Variants in RPL24 observed in about 807,000 individuals in gnomAD.
RPL24 encodes large ribosomal subunit protein eL24.
In RPL24, 7 loss-of-function variants were observed where a neutral mutation model predicts 26.4. The ratio of observed to expected loss-of-function variants is 0.27; its 90% CI spans 0.15 to 0.50. The LOEUF (loss-of-function observed/expected upper bound fraction) is 0.50. RPL24 is among the 20% of genes least tolerant of loss of function. The pLI is 0.98. For synonymous variants in RPL24, 67 were observed against 65.2 expected (o/e 1.03, Z -0.13); for missense variants, 109 against 194.9 (o/e 0.56, Z 2.62).
At chr3:101,682,976 G>T in intron 3 of RPL24, 69 bp from the exon 4 acceptor site, 2 of 1,444,120 alleles carry the variant, frequency 1.4e-6, no homozygotes, top group Non-Finnish European at 1.9e-6. Flanking sequence ...GAAAAATTAA[G>T]TCTTTTAAGA....
chr3:101,684,940 G>A (rs1488629216), intron 3 of RPL24, among the ~76,000 whole-genome samples: 1 of 151,374 alleles, frequency 6.6e-6, no homozygotes, highest in Non-Finnish European at 1.5e-5. Context: ...GGCCTCCGGA[G>A]GAGCTAGAGT....
intron 5 of RPL24, 51 bp from the exon 6 acceptor site, chr3:101,681,266 A>T (rs748112280): frequency 8.2e-7 from 1 of 1,220,336 alleles, no homozygotes; most frequent in Non-Finnish European, 1.2e-6. Context: ...TTACCCTATT[A>T]TTACCCATCT....
At position 101,684,843 on chromosome 3, in the gene RPL24, G is replaced by T. The variant is rs889055517; in HGVS notation, c.192+975C>A. On this transcript the variant is annotated intron_variant, in intron 3 of 5. Coordinates refer to ENST00000394077, the MANE Select transcript of RPL24 (RefSeq NM_000986.4). ...TAGTGGCCTTATGTACATTCATAGC[G>T]CTGTGTAGCTATCACCATTATCCAT... is the stretch of plus-strand genomic sequence containing the variant. 2.2e-5 allele frequency among the ~76,000 whole-genome samples: 3 copies of T among 133,720 alleles called. No homozygotes were observed. In the Admixed American group the frequency reaches 2.4e-4, roughly 11 times the overall value. The allele number at this position is 133,720 out of a possible 152,430, so 87.7% of individuals were successfully genotyped here.
chr3:101,686,408 C>T, intron 2 of RPL24, 74 bp downstream of exon 2: 2 of 1,355,354 alleles, frequency 1.5e-6, no homozygotes, highest in African/African-American at 1.4e-5. Flanking sequence ...GGAATAAACC[C>T]GCCTAAACCG....
intron 5 of RPL24, chr3:101,682,222 C>T (rs1013040193): frequency 1.5e-5 from 8 of 531,440 alleles, no homozygotes; most frequent in African/African-American, 1.4e-4. Context: ...AAAAATCAGC[C>T]GGGCGTGATG....
intron 3 of RPL24, among the ~76,000 whole-genome samples, chr3:101,684,602 A>G (rs1937307304): frequency 6.6e-6 from 1 of 151,944 alleles, no homozygotes; most frequent in East Asian, 1.9e-4. Context: ...AACATCGCAA[A>G]GATTTCTGTC....
chr3:101,684,853 TA>T (rs1937315268), intron 3 of RPL24, among the ~76,000 whole-genome samples: 1 of 138,686 alleles, frequency 7.2e-6, no homozygotes. Context: ...GCTGTGTAGC[TA>T]TCACCATTAT....
chr3:101,682,178 C>G (rs1048189147), intron 5 of RPL24: 4 of 426,186 alleles, frequency 9.4e-6, no homozygotes, highest in Non-Finnish European at 1.7e-5. Flanking sequence ...ATGGTGAAAC[C>G]CTGTCTCTAC....
intron 3 of RPL24, 112 bp downstream of exon 3, chr3:101,685,705 TA>T (rs1367932687): frequency 3.4e-6 from 2 of 582,102 alleles, no homozygotes; most frequent in African/African-American, 3.7e-5. Flanking sequence ...CTTTACAGTT[TA>T]AGAGCTCTTT....
intron 3 of RPL24, 108 bp from the exon 4 acceptor site, chr3:101,683,015 T>C: frequency 6.3e-6 from 6 of 950,856 alleles, no homozygotes; most frequent in Non-Finnish European, 9.2e-6. Flanking sequence ...TTAAGATTCA[T>C]ATTCAACAAA....
chr3:101,682,878 T>C lies in RPL24; in HGVS notation c.222A>G (p.Arg74=). Reference sequence around the variant, plus strand: ...TAATGGCCCTCTGGAATTTGACTGCTCGGCGGGTTCTTTTCTTTTGAATTT... The same window carrying C: ...TAATGGCCCTCTGGAATTTGACTGCCCGGCGGGTTCTTTTCTTTTGAATTT... The part of the protein sequence containing the change: ...SEEIQKKRTR[R]AVKFQRAITG... The change falls in exon 4 of 6, where the codon CGA becomes CGG. Residue 74 remains arginine, a synonymous_variant. Coordinates refer to ENST00000394077, the MANE Select transcript of RPL24 (RefSeq NM_000986.4). 1.9e-6 allele frequency: 3 copies of C among 1,613,788 alleles called. No individual in the cohort carries two copies. The highest frequency in any genetic ancestry group is 1.3e-5 in the African/African-American group (1 of 75,048).
chr3:101,683,973 A>G (rs886322117), intron 3 of RPL24, among the ~76,000 whole-genome samples: 3 of 151,782 alleles, frequency 2.0e-5, no homozygotes, highest in Admixed American at 6.6e-5. Flanking sequence ...TGGCCTCCCC[A>G]AGTGGTAGAA....
Position 101,682,485 on chromosome 3 carries a change from T to C in RPL24, c.337A>G (p.Lys113Glu). Residue 113 changes from lysine (K) to glutamate (E), a missense_variant, in exon 5 of 6, where the codon AAG (lysine) becomes GAG (glutamate). Lys to Glu is a moderately conservative substitution (Grantham distance 56). Coordinates refer to ENST00000394077, the MANE Select transcript of RPL24 (RefSeq NM_000986.4). ...GCTTGCTTAGCCTTTTTTGCTTCCT[T>C]AGCAGCCCTGTGGGGTAAAAGTAAC... ...AQREQAIRAA[K>E]EAKKAKQASK... is the part of the protein sequence containing the mutation. 6.2e-7 allele frequency: 1 copy of C among 1,613,614 alleles called. No homozygotes were observed. Among genetic ancestry groups the C allele is most frequent in the Non-Finnish European group, 8.5e-7 (1 of 1,179,652 alleles).
rs942024551 is a variant in RPL24 at position 101,682,750 on chromosome 3, C to T, written c.329+21G>A. 3 of 1,609,098 alleles carry T rather than the reference C, an allele frequency of 1.9e-6. No individual in the cohort carries two copies. The African/African-American group carries it at 4.0e-5, about 22-fold the overall frequency. The stretch of plus-strand genomic sequence containing the variant: ...AATCCATCCGAATAGGTAAAATGCT[C>T]ATAATGAAAGCATTCCTCACCTGAT... On this transcript the variant is annotated intron_variant, in intron 4 of 5. Coordinates refer to ENST00000394077, the MANE Select transcript of RPL24 (RefSeq NM_000986.4).
intron 2 of RPL24, 136 bp downstream of exon 2, chr3:101,686,346 G>A: frequency 1.5e-6 from 1 of 683,630 alleles, no homozygotes; most frequent in Non-Finnish European, 2.5e-6. Context: ...TGGTCCTAAC[G>A]ACCAGTCCAC....
chr3:101,685,942 T>C lies in RPL24; in HGVS notation c.82-14A>G. On this transcript the variant is annotated splice_polypyrimidine_tract_variant and intron_variant, in intron 2 of 5. Transcript: ENST00000394077. ...AAACTGGAAAACCTAGAGTGACAAATGCAAAGGAATTACTATTTAACTATA... is the reference window on the plus strand; with the variant it reads ...AAACTGGAAAACCTAGAGTGACAAACGCAAAGGAATTACTATTTAACTATA... 3 of 1,514,534 alleles carry C rather than the reference T, an allele frequency of 2.0e-6. No individual in the cohort carries two copies. Among genetic ancestry groups the C allele is most frequent in the Non-Finnish European group, 2.8e-6 (3 of 1,089,416 alleles). The allele number at this position is 1,514,534 out of a possible 1,614,324, so 93.8% of individuals were successfully genotyped here.
chr3:101,681,436 A>G (rs1323203706), intron 5 of RPL24: 1 of 547,368 alleles, frequency 1.8e-6, no homozygotes, highest in African/African-American at 1.9e-5. Context: ...ATGAAATGAG[A>G]CACAACCAAG....
chr3:101,686,031 T>A (rs551901996), intron 2 of RPL24, 103 bp from the exon 3 acceptor site: 2 of 768,532 alleles, frequency 2.6e-6, no homozygotes, highest in South Asian at 3.2e-5. Context: ...TTCTGGCTTA[T>A]CATTTTACAA....
Position 101,681,361 on chromosome 3 carries a change from C to T in RPL24, c.394-146G>A, listed in dbSNP as rs192071745. On this transcript the variant is annotated intron_variant, in intron 5 of 5. Transcript: ENST00000394077. ...TAATGCCAATCTTTTAATGTGACTA[C>T]CCTTAAATATTTAAAGCCCATCTTT... 94 of 628,868 alleles carry T rather than the reference C, an allele frequency of 1.5e-4. No individual in the cohort carries two copies. In the East Asian group the frequency reaches 2.5e-3, roughly 17 times the overall value. 39.0% of individuals were successfully genotyped at this position (628,868 alleles called of 1,614,324 possible).
Sources: allele counts gnomAD v4.1 joint callset (sites outside exome capture counted in the v4.1 genomes callset), GRCh38; gene constraint gnomAD v4.1.1; transcripts MANE v1.5; gene names NCBI Gene and HGNC (gene_info 2026-07-23, HGNC 2026-07-21).